The following PRLR variants were observed in gnomAD, a reference collection of about 807,000 sequenced individuals.
The protein encoded by PRLR is hPRL receptor.
In PRLR, 13 loss-of-function variants were observed where a neutral mutation model predicts 40.2. That is an observed-to-expected ratio of 0.32 (90% CI 0.21 to 0.51). The LOEUF (loss-of-function observed/expected upper bound fraction) is 0.51, where lower values mean the gene tolerates loss of function less well. PRLR is among the 20% of genes least tolerant of loss of function. The pLI, the probability that PRLR is intolerant of heterozygous loss-of-function variation, is 0.97. For synonymous variants in PRLR, 269 were observed against 278.7 expected, an observed-to-expected ratio of 0.97 and a Z score of 0.35; for missense variants, 656 against 747.3, an observed-to-expected ratio of 0.88 and a Z score of 1.42.
Position 35,089,807 on chromosome 5 carries a change from G to T in PRLR, c.-43-144C>A, listed in dbSNP as rs1182535270. ...TAGGAGGAAAGGAATGTAGGAAAATGTAACAGGGTTGGATGGCTTGGCACA... is the reference window on the plus strand; with the variant it reads ...TAGGAGGAAAGGAATGTAGGAAAATTTAACAGGGTTGGATGGCTTGGCACA... On this transcript the variant is annotated intron_variant, in intron 2 of 9. Coordinates refer to ENST00000618457, the MANE Select transcript of PRLR (RefSeq NM_000949.7). The T allele has an allele frequency of 1.0e-5, 6 of 602,656 alleles. No homozygotes were observed. The South Asian group carries it at 1.2e-4, about 12-fold the overall frequency. The allele number at this position is 602,656 out of a possible 1,614,324, so 37.3% of individuals were successfully genotyped here. A position where few individuals can be genotyped will look rare whatever the true frequency, so the allele number is the denominator to read the frequency against.
intron 5 of PRLR, among the ~76,000 whole-genome samples, chr5:35,082,483 G>C (rs531536989): frequency 6.6e-6 from 1 of 152,090 alleles, no homozygotes; most frequent in African/African-American, 2.4e-5. Context: ...TGCTTAGCAG[G>C]ATCTCTGGGC....
At chr5:35,108,038 G>A (rs1772387479) in intron 2 of PRLR, among the ~76,000 whole-genome samples, 2 of 152,102 alleles carry the variant, frequency 1.3e-5, no homozygotes, top group African/African-American at 2.4e-5. Flanking sequence ...AATCAAGTTG[G>A]CTTCATCCCT....
chr5:35,222,026 C>T (rs1287439775), intron 1 of PRLR, among the ~76,000 whole-genome samples: 3 of 152,160 alleles, frequency 2.0e-5, no homozygotes, highest in East Asian at 1.9e-4. Flanking sequence ...AGCTGTTGGC[C>T]GGGTGCAATG....
chr5:35,069,713 C>A (rs1460692303), intron 7 of PRLR, among the ~76,000 whole-genome samples: 1 of 152,226 alleles, frequency 6.6e-6, no homozygotes, highest in Non-Finnish European at 1.5e-5. Context: ...TATCTTATAT[C>A]CTGTGTCTTC....
intron 1 of PRLR, among the ~76,000 whole-genome samples, chr5:35,179,888 G>A (rs1775247424): frequency 6.6e-6 from 1 of 152,106 alleles, no homozygotes; most frequent in Non-Finnish European, 1.5e-5. Context: ...GTGGTTTTGG[G>A]ATGATTCAAG....
chr5:35,219,520 A>G (rs1227848003), intron 1 of PRLR, among the ~76,000 whole-genome samples: 1 of 152,196 alleles, frequency 6.6e-6, no homozygotes, highest in African/African-American at 2.4e-5. Flanking sequence ...TTATATTAGC[A>G]CTTATATGGA....
At chr5:35,137,809 G>A (rs1026339988) in intron 1 of PRLR, among the ~76,000 whole-genome samples, 2 of 152,188 alleles carry the variant, frequency 1.3e-5, no homozygotes, top group African/African-American at 4.8e-5. Flanking sequence ...ATATTCACGA[G>A]GCTGAGGCAG....
At chr5:35,151,813 T>TGA (rs1774350265) in intron 1 of PRLR, among the ~76,000 whole-genome samples, 1 of 152,190 alleles carries the variant, frequency 6.6e-6, no homozygotes, top group Admixed American at 6.5e-5. Context: ...TGTTCACAGC[T>TGA]GAGAACCCAG....
At chr5:35,210,676 T>C (rs907156926) in intron 1 of PRLR, among the ~76,000 whole-genome samples, 5 of 152,162 alleles carry the variant, frequency 3.3e-5, no homozygotes, top group African/African-American at 1.2e-4. Flanking sequence ...ACTTGCATGG[T>C]TAGTATCCAT....
At chr5:35,142,324 A>G (rs1393562430) in intron 1 of PRLR, among the ~76,000 whole-genome samples, 1 of 152,064 alleles carries the variant, frequency 6.6e-6, no homozygotes, top group Non-Finnish European at 1.5e-5. Flanking sequence ...CATATCCGGG[A>G]TTTTTGTGGA....
Position 35,215,710 on chromosome 5 carries a change from C to T in PRLR, c.-106+14558G>A, listed in dbSNP as rs1260683231. ...CTCACCCCTAGGGCAAGTTCTGGGT[C>T]CTTGGAAGAGTGGAATCCATTGCTA... On this transcript the variant is annotated intron_variant, in intron 1 of 9. Transcript: ENST00000618457. 5.9e-5 allele frequency among the ~76,000 whole-genome samples: 9 copies of T among 151,886 alleles called. 1 individual carries two copies. Among genetic ancestry groups the T allele is most frequent in the Admixed American group, 5.2e-4 (8 of 15,262 alleles).
intron 1 of PRLR, among the ~76,000 whole-genome samples, chr5:35,143,275 T>A (rs1459392139): frequency 6.6e-6 from 1 of 152,210 alleles, no homozygotes; most frequent in Non-Finnish European, 1.5e-5. Flanking sequence ...AGAATATGTA[T>A]GGCTGTGTTT....
chr5:35,049,313 T>C (rs1240263891), exon 9 of PRLR: 3 of 703,224 alleles, frequency 4.3e-6, no homozygotes, highest in Non-Finnish European at 7.8e-6. Context: ...AATGTTGCCT[T>C]TGTGAACACC....
At chr5:35,132,717 G>A (rs1463798572) in intron 1 of PRLR, among the ~76,000 whole-genome samples, 6 of 152,146 alleles carry the variant, frequency 3.9e-5, no homozygotes, top group Admixed American at 1.3e-4. Flanking sequence ...ATGTCCTATT[G>A]TTAAATATCA....
chr5:35,133,460 C>A (rs546893997), intron 1 of PRLR, among the ~76,000 whole-genome samples: 1 of 152,284 alleles, frequency 6.6e-6, no homozygotes, highest in African/African-American at 2.4e-5. Context: ...CATTCCACAG[C>A]AAACTGATTC....
At chr5:35,214,459 G>A (rs373428477) in intron 1 of PRLR, among the ~76,000 whole-genome samples, 8 of 152,196 alleles carry the variant, frequency 5.3e-5, no homozygotes, top group African/African-American at 1.7e-4. Flanking sequence ...AGGGGCAAAC[G>A]CATTGAGGAT....
intron 1 of PRLR, among the ~76,000 whole-genome samples, chr5:35,191,397 C>T (rs1775604396): frequency 6.6e-6 from 1 of 151,966 alleles, no homozygotes; most frequent in South Asian, 2.1e-4. Context: ...AGAAACCTCT[C>T]TCCCCAGCCT....
intron 1 of PRLR, among the ~76,000 whole-genome samples, chr5:35,183,287 G>C (rs1316883800): frequency 6.6e-6 from 1 of 152,156 alleles, no homozygotes; most frequent in African/African-American, 2.4e-5. Context: ...TTAAAGAACA[G>C]ACAGTCACCA....
intron 5 of PRLR, among the ~76,000 whole-genome samples, chr5:35,074,736 G>A (rs965483199): frequency 2.0e-5 from 3 of 151,940 alleles, no homozygotes; most frequent in Non-Finnish European, 4.4e-5. Context: ...TTGAAATGGT[G>A]GATATGTGTT....
Sources: allele counts gnomAD v4.1 joint callset (sites outside exome capture counted in the v4.1 genomes callset), GRCh38; gene constraint gnomAD v4.1.1; transcripts MANE v1.5; gene names NCBI Gene and HGNC (gene_info 2026-07-23, HGNC 2026-07-21).